ZFAT: variants seen among roughly 807,000 people sequenced by gnomAD.
ZFAT encodes the protein zinc finger and AT-hook domain containing.
A neutral mutation model predicts 117.7 loss-of-function variants in ZFAT; 64 were observed. That is an observed-to-expected ratio of 0.54 (90% confidence interval 0.44 to 0.67). The LOEUF is 0.67. Ranked by LOEUF, ZFAT falls within the 30% of genes least tolerant of loss-of-function variation. The pLI is 0.00. For synonymous variants in ZFAT, 679 were observed against 615.0 expected (o/e 1.10, Z -1.54); for missense variants, 1,433 against 1,584.5 (o/e 0.90, Z 1.62).
chr8:134,724,012 C>A, the ZFAT span: 3 of 152,482 alleles, frequency 2.0e-5, no homozygotes, highest in African/African-American at 7.2e-5. Flanking sequence ...CAAAAACCTA[C>A]GCAGCTGCTT....
At chr8:134,791,536 T>A in the ZFAT span, among the ~76,000 whole-genome samples, 1 of 152,186 alleles carries the variant, frequency 6.6e-6, no homozygotes, top group Non-Finnish European at 1.5e-5. Flanking sequence ...GTTAGCTGTG[T>A]GTATATTTGT....
the ZFAT span, among the ~76,000 whole-genome samples, chr8:134,758,345 C>CA: frequency 7.2e-5 from 11 of 152,066 alleles, no homozygotes; most frequent in African/African-American, 2.7e-4. Context: ...CAAAACAAAA[C>CA]AGTCATTTGG....
intron 15 of ZFAT, among the ~76,000 whole-genome samples, chr8:134,504,974 C>A (rs528848243): frequency 6.6e-6 from 1 of 152,304 alleles, no homozygotes; most frequent in South Asian, 2.1e-4. Context: ...CCCAGGTACA[C>A]GGGCCCCTGG....
At chr8:134,623,143 T>A (rs1391659657) in intron 3 of ZFAT, among the ~76,000 whole-genome samples, 1 of 151,944 alleles carries the variant, frequency 6.6e-6, no homozygotes, top group Non-Finnish European at 1.5e-5. Context: ...CCCACTGACC[T>A]CCTTCCACTG....
chr8:134,808,997 A>C, the ZFAT span, among the ~76,000 whole-genome samples: 1 of 152,196 alleles, frequency 6.6e-6, no homozygotes, highest in Admixed American at 6.5e-5. Flanking sequence ...TACTTCTGTC[A>C]CCTCTAACAG....
At chr8:134,737,164 C>T in the ZFAT span, among the ~76,000 whole-genome samples, 6 of 152,042 alleles carry the variant, frequency 3.9e-5, no homozygotes, top group Non-Finnish European at 8.8e-5. Context: ...ATTGTAATCC[C>T]AGCTACCCAG....
chr8:134,509,378 G>A (rs1339316809), intron 15 of ZFAT, among the ~76,000 whole-genome samples: 1 of 152,074 alleles, frequency 6.6e-6, no homozygotes. Context: ...AATGAATGGA[G>A]AGTTTCCAGA....
chr8:134,788,286 G>A, the ZFAT span, among the ~76,000 whole-genome samples: 2 of 151,896 alleles, frequency 1.3e-5, no homozygotes, highest in South Asian at 4.1e-4. Flanking sequence ...TTTCCTCCAC[G>A]CACTGCTTCA....
chr8:134,788,261 T>C, the ZFAT span, among the ~76,000 whole-genome samples: 7 of 152,204 alleles, frequency 4.6e-5, no homozygotes, highest in African/African-American at 1.7e-4. Context: ...AATGTATGCA[T>C]GTAAATCTAT....
intron 11 of ZFAT, among the ~76,000 whole-genome samples, chr8:134,549,004 C>CT (rs1822918434): frequency 1.3e-5 from 2 of 152,248 alleles, no homozygotes. Context: ...CGAGAAACTT[C>CT]TTTTCCACTC....
At chr8:134,588,442 A>C in intron 8 of ZFAT, 47 bp from the exon 9 acceptor site, 1 of 1,520,484 alleles carries the variant, frequency 6.6e-7, no homozygotes, top group Non-Finnish European at 8.8e-7. Context: ...ACCTCAGGGG[A>C]AGTTAGACAT....
At chr8:134,712,691 G>A (rs1234032799) in intron 1 of ZFAT, among the ~76,000 whole-genome samples, 154 bp downstream of exon 1, 5 of 142,484 alleles carry the variant, frequency 3.5e-5, no homozygotes, top group Non-Finnish European at 7.5e-5. Context: ...AACTACGTTC[G>A]CTCTCCTCCC....
chr8:134,494,447 C>T (rs770146131), intron 15 of ZFAT, among the ~76,000 whole-genome samples: 2 of 152,236 alleles, frequency 1.3e-5, no homozygotes, highest in Non-Finnish European at 2.9e-5. Context: ...GACACTGTCT[C>T]GGTGCCTGCT....
At chr8:134,750,295 A>ATAGAGAAATACAATGTTGAC in the ZFAT span, among the ~76,000 whole-genome samples, 1 of 152,188 alleles carries the variant, frequency 6.6e-6, no homozygotes, top group Non-Finnish European at 1.5e-5. Flanking sequence ...TTTTACTGGA[A>ATAGAGAAATACAATGTTGAC]TAGAGAAATA....
At chr8:134,556,490 G>A (rs1823633120) in intron 11 of ZFAT, among the ~76,000 whole-genome samples, 1 of 151,800 alleles carries the variant, frequency 6.6e-6, no homozygotes, top group Admixed American at 6.6e-5. Flanking sequence ...CCCCAAGTAA[G>A]GTAAATATAA....
chr8:134,610,840 T>A (rs936222051), intron 3 of ZFAT, among the ~76,000 whole-genome samples, 185 bp from the exon 4 acceptor site: 9 of 152,052 alleles, frequency 5.9e-5, no homozygotes, highest in African/African-American at 2.2e-4. Context: ...ATTCAGTACA[T>A]GTTCACTGCT....
At chr8:134,647,618 A>G (rs1830977463) in intron 2 of ZFAT, among the ~76,000 whole-genome samples, 1 of 152,234 alleles carries the variant, frequency 6.6e-6, no homozygotes, top group Non-Finnish European at 1.5e-5. Flanking sequence ...TCTTAGATAT[A>G]GAAAGCCCTA....
intron 11 of ZFAT, among the ~76,000 whole-genome samples, chr8:134,544,947 G>A (rs1442255544): frequency 6.6e-6 from 1 of 152,152 alleles, no homozygotes; most frequent in African/African-American, 2.4e-5. Flanking sequence ...TCCTCTGTGG[G>A]TGTATGTATC....
chr8:134,542,247 C>T (rs1428320469), intron 11 of ZFAT, among the ~76,000 whole-genome samples: 1 of 152,222 alleles, frequency 6.6e-6, no homozygotes, highest in Non-Finnish European at 1.5e-5. Context: ...CCAAACTGCC[C>T]TTCTTACCCT....
Sources: gnomAD v4.1 joint callset for allele counts (sites outside exome capture counted in the v4.1 genomes callset) on GRCh38, gnomAD v4.1.1 for gene constraint, MANE v1.5 for transcripts, NCBI Gene and HGNC (gene_info 2026-07-23, HGNC 2026-07-21) for gene names.